SLC23A2: variants seen among roughly 807,000 people sequenced by gnomAD.
SLC23A2 encodes the protein Na(+)/L-ascorbic acid transporter 2.
In SLC23A2, 36 loss-of-function variants were observed where a neutral mutation model predicts 73.3. The observed-to-expected ratio is 0.49, with a 90% confidence interval of 0.38 to 0.65. The LOEUF (loss-of-function observed/expected upper bound fraction) is 0.65, where lower values mean the gene tolerates loss of function less well. SLC23A2 is among the 30% of genes least tolerant of loss of function. SLC23A2 has a pLI of 0.00. For missense variants in SLC23A2, 507 were observed against 841.6 expected (o/e 0.60, Z 4.92); for synonymous variants, 343 against 327.3 (o/e 1.05, Z -0.52).
At chr20:4,888,611 C>T (rs545099627) in intron 6 of SLC23A2, among the ~76,000 whole-genome samples, 1 of 152,292 alleles carries the variant, frequency 6.6e-6, no homozygotes, top group East Asian at 1.9e-4. Context: ...GCCAGAGGCC[C>T]CCCATGTCCA....
intron 9 of SLC23A2, among the ~76,000 whole-genome samples, chr20:4,877,472 T>C (rs1930705069): frequency 6.6e-6 from 1 of 152,126 alleles, no homozygotes; most frequent in Non-Finnish European, 1.5e-5. Context: ...GGGGTAAAAA[T>C]GAATAAAATT....
At chr20:4,933,680 G>A (rs1932814049) in intron 2 of SLC23A2, among the ~76,000 whole-genome samples, 1 of 152,006 alleles carries the variant, frequency 6.6e-6, no homozygotes, top group Non-Finnish European at 1.5e-5. Flanking sequence ...CCAAGGAATG[G>A]CATACATACA....
rs187115312 is a variant in SLC23A2, at chr20:4,883,236, C to A, written c.824+406G>T. Among the ~76,000 whole-genome samples the A allele has an allele frequency of 6.6e-6, 1 of 152,116 alleles. No homozygotes were observed. Among genetic ancestry groups the A allele is most frequent in the Non-Finnish European group, 1.5e-5 (1 of 68,044 alleles). ...CATCAATGGCAACAGACCTTTCCCA[C>A]GACTTCTCTGGAAATACTCCAGATT... is the stretch of plus-strand genomic sequence containing the variant. On this transcript the variant is annotated intron_variant, in intron 9 of 16. Coordinates refer to ENST00000338244, the MANE Select transcript of SLC23A2 (RefSeq NM_005116.6). The surrounding 1 kb of genome is among the most constrained non-coding windows in gnomAD (Gnocchi z 4.5).
chr20:4,907,454 A>G (rs769448494), intron 4 of SLC23A2, among the ~76,000 whole-genome samples: 3 of 152,254 alleles, frequency 2.0e-5, no homozygotes, highest in Non-Finnish European at 2.9e-5. Flanking sequence ...AACAGAAAAT[A>G]TAATCAATGT....
Position 4,877,148 on chromosome 20 carries a change from A to C in SLC23A2, c.825-2452T>G, listed in dbSNP as rs535145638. On this transcript the variant is annotated intron_variant, in intron 9 of 16. Coordinates refer to ENST00000338244, the MANE Select transcript of SLC23A2 (RefSeq NM_005116.6). The stretch of plus-strand genomic sequence containing the variant: ...GCATGTTGTGCACATGTACCCTAGA[A>C]CTTAAAGTATAATAAAATATAAATA... Among the ~76,000 whole-genome samples the C allele has an allele frequency of 8.4e-4, 128 of 152,278 alleles. 3 individuals are homozygous for C. Among genetic ancestry groups the C allele is most frequent in the African/African-American group, 2.8e-3 (116 of 41,548 alleles).
chr20:4,862,030 G>A lies in SLC23A2; in HGVS notation c.1542C>T (p.Ser514=). The A allele has an allele frequency of 1.2e-6, 2 of 1,614,136 alleles. No homozygotes were observed. The highest frequency in any genetic ancestry group is 1.7e-6 in the Non-Finnish European group (2 of 1,179,974). Residue 514 remains serine (S), a synonymous_variant, in exon 15 of 17, where the codon TCC becomes TCT. Transcript: ENST00000338244. The surrounding 1 kb of genome is among the most constrained non-coding windows in gnomAD (Gnocchi z 5.1). ...SNLQFIDLNS[S]RNLFVLGFSI... The stretch of plus-strand genomic sequence containing the variant: ...AAAATCCAAGCACAAAGAGGTTCCG[G>A]GAAGAATTTAAATCAATGAACTGCA...
rs1203206051 is a variant in SLC23A2, at chr20:4,857,844, T to C, written c.1721-640A>G. On this transcript the variant is annotated intron_variant, in intron 16 of 16. Coordinates refer to ENST00000338244, the MANE Select transcript of SLC23A2 (RefSeq NM_005116.6). The surrounding 1 kb of genome is among the most constrained non-coding windows in gnomAD (Gnocchi z 4.0). ...TACTCAGGAGGCTGAGACAGGAGAA[T>C]TGCTTGAACCCGAGAGGCAGAGACT... 6.6e-6 allele frequency among the ~76,000 whole-genome samples: 1 copy of C among 152,108 alleles called. No homozygotes were observed. Among genetic ancestry groups the C allele is most frequent in the African/African-American group, 2.4e-5 (1 of 41,412 alleles).
intron 3 of SLC23A2, among the ~76,000 whole-genome samples, chr20:4,916,836 T>G (rs1932340063): frequency 2.0e-5 from 3 of 152,134 alleles, no homozygotes; most frequent in Admixed American, 6.6e-5. Context: ...TAAAATAGGC[T>G]TTGTGTTAGA....
chr20:4,866,007 G>A (rs1419805247), intron 13 of SLC23A2, among the ~76,000 whole-genome samples: 3 of 151,776 alleles, frequency 2.0e-5, no homozygotes, highest in African/African-American at 7.3e-5. Context: ...TAATTTTTGT[G>A]TTTTTAGTGG....
intron 2 of SLC23A2, among the ~76,000 whole-genome samples, chr20:4,945,227 C>T (rs186210352): frequency 1.2e-3 from 180 of 152,140 alleles, no homozygotes; most frequent in African/African-American, 4.2e-3. Flanking sequence ...CAGCATGTGA[C>T]TGAATTTAAA....
rs974043810 is a variant in SLC23A2, at chr20:4,969,073, G to GT, written c.-155+1719dup. Among the ~76,000 whole-genome samples, 6 of 148,910 alleles carry GT rather than the reference G, an allele frequency of 4.0e-5. No homozygotes were observed. In the South Asian group the frequency reaches 6.5e-4, roughly 16 times the overall value. On this transcript the variant is annotated intron_variant, in intron 2 of 16. Coordinates refer to ENST00000338244, the MANE Select transcript of SLC23A2 (RefSeq NM_005116.6). ...ACTTCTTTATTAGAAGTGTTTTTTG[G>GT]TTTTTTTTGTTGTTGTCATTGTTTT...
intron 1 of SLC23A2, among the ~76,000 whole-genome samples, chr20:4,971,940 C>T (rs7263163): frequency 0.43 from 65,879 of 152,026 alleles, 14,365 homozygotes; most frequent in South Asian, 0.53. Context: ...TACTAGCACA[C>T]GGGGAGGGTG....
rs1929781082 is a variant in SLC23A2, at chr20:4,857,677, T to C, written c.1721-473A>G. 6.6e-6 allele frequency among the ~76,000 whole-genome samples: 1 copy of C among 152,100 alleles called. No homozygotes were observed. The highest frequency in any genetic ancestry group is 2.1e-4 in the South Asian group (1 of 4,820). ...CAGGTGTGGTGGCTCACACCTGTAATCCAAGCACTTTGGGAGGCCGAGGTG... is the reference window on the plus strand; with the variant it reads ...CAGGTGTGGTGGCTCACACCTGTAACCCAAGCACTTTGGGAGGCCGAGGTG... On this transcript the variant is annotated intron_variant, in intron 16 of 16. Transcript: ENST00000338244. The surrounding 1 kb of genome is among the most constrained non-coding windows in gnomAD (Gnocchi z 4.0).
At chr20:4,866,887 C>T (rs1165326523) in intron 13 of SLC23A2, among the ~76,000 whole-genome samples, 1 of 151,954 alleles carries the variant, frequency 6.6e-6, no homozygotes, top group Non-Finnish European at 1.5e-5. Flanking sequence ...AGACGTAGGC[C>T]ATCGAGGATG....
In SLC23A2 at chr20:4,862,603, A is replaced by C. The variant is rs1054327732; in HGVS notation, c.1486+175T>G. Among the ~76,000 whole-genome samples, 2 of 152,250 alleles carry C rather than the reference A, an allele frequency of 1.3e-5. No individual in the cohort carries two copies. Among genetic ancestry groups the C allele is most frequent in the Non-Finnish European group, 2.9e-5 (2 of 68,036 alleles). ...ACATCTTATTGTTGGTTCCATATTT[A>C]ATATAAATTCAACTCAGAGAGTGAT... On this transcript the variant is annotated intron_variant, in intron 14 of 16. Coordinates refer to ENST00000338244, the MANE Select transcript of SLC23A2 (RefSeq NM_005116.6). The surrounding 1 kb of genome is among the most constrained non-coding windows in gnomAD (Gnocchi z 5.1).
chr20:4,907,442 G>A (rs1931996217), intron 4 of SLC23A2, among the ~76,000 whole-genome samples: 1 of 151,914 alleles, frequency 6.6e-6, no homozygotes, highest in African/African-American at 2.4e-5. Context: ...TGAAGGCAAA[G>A]AAACAGAAAA....
intron 5 of SLC23A2, among the ~76,000 whole-genome samples, chr20:4,901,097 T>C (rs574501093): frequency 6.6e-6 from 1 of 152,274 alleles, no homozygotes; most frequent in African/African-American, 2.4e-5. Context: ...TTCCAAAAAG[T>C]GTCCTTCCTG....
At chr20:4,945,966 G>A (rs999579385) in intron 2 of SLC23A2, among the ~76,000 whole-genome samples, 4 of 152,138 alleles carry the variant, frequency 2.6e-5, no homozygotes, top group African/African-American at 9.7e-5. Context: ...CAATGATGGA[G>A]GGGGTACCCA....
chr20:4,975,529 C>T (rs1233474943), intron 1 of SLC23A2, among the ~76,000 whole-genome samples: 2 of 150,566 alleles, frequency 1.3e-5, no homozygotes, highest in Non-Finnish European at 3.0e-5. Flanking sequence ...TACGTGCACG[C>T]ACCACCACGC....
Sources: allele counts gnomAD v4.1 joint callset (sites outside exome capture counted in the v4.1 genomes callset), GRCh38; gene constraint gnomAD v4.1.1; non-coding constraint Gnocchi (gnomAD v3.1); transcripts MANE v1.5; gene names NCBI Gene and HGNC (gene_info 2026-07-23, HGNC 2026-07-21).